ZBTB46: variants seen among roughly 807,000 people sequenced by gnomAD.
ZBTB46 encodes the protein zinc finger and BTB domain-containing protein 46.
In ZBTB46, 8 loss-of-function variants were observed where a neutral mutation model predicts 44.1. The observed-to-expected ratio is 0.18, with a 90% CI of 0.11 to 0.33. ZBTB46 has a LOEUF of 0.33. Ranked by LOEUF, ZBTB46 falls within the 10% of genes least tolerant of loss-of-function variation. The probability of loss-of-function intolerance (pLI) is 1.00; values close to 1 mark genes in which losing one functional copy is unlikely to be tolerated. For missense variants in ZBTB46, 651 were observed against 847.7 expected (o/e 0.77, Z 2.88); for synonymous variants, 409 against 382.3 (o/e 1.07, Z -0.81).
chr20:63,776,256 AC>A (rs1354372184), intron 2 of ZBTB46, among the ~76,000 whole-genome samples: 2 of 152,238 alleles, frequency 1.3e-5, no homozygotes, highest in Non-Finnish European at 2.9e-5. Context: ...GGCGCTGCAG[AC>A]CTGGTACCTG....
At chr20:63,831,475 C>A (rs1032852299), upstream of ZBTB46, among the ~76,000 whole-genome samples, 4 of 145,412 alleles carry the variant, frequency 2.8e-5, no homozygotes, top group Admixed American at 2.0e-4. Flanking sequence ...GCCGCGGGGT[C>A]GCAGGGGGCC....
chr20:63,758,223 C>T (rs529944339), intron 3 of ZBTB46, among the ~76,000 whole-genome samples: 1 of 148,844 alleles, frequency 6.7e-6, no homozygotes. Flanking sequence ...ACTCCCTCCT[C>T]CTGCTCCATA....
At chr20:63,786,498 T>G (rs1052336422) in intron 2 of ZBTB46, among the ~76,000 whole-genome samples, 4 of 151,910 alleles carry the variant, frequency 2.6e-5, no homozygotes, top group Non-Finnish European at 5.9e-5. Flanking sequence ...TTTGTTTGTT[T>G]TGAGGTTTTT....
At position 63,814,085 on chromosome 20, in the gene ZBTB46, T is replaced by A. The variant is rs573916528; in HGVS notation, c.-34+17012A>T. ...CTGTCTCTATTAAAAATACAAAAAT[T>A]AGCCGGGCATGGCAGTGGGCGCCTG... On this transcript the variant is annotated intron_variant, in intron 1 of 4. Coordinates refer to ENST00000245663, the MANE Select transcript of ZBTB46 (RefSeq NM_001369741.1). Among the ~76,000 whole-genome samples the A allele has an allele frequency of 4.2e-3, 614 of 146,808 alleles. 2 individuals carry two copies. Among genetic ancestry groups the A allele is most frequent in the African/African-American group, 0.015 (573 of 39,086 alleles).
At chr20:63,783,914 G>C (rs562699119) in intron 2 of ZBTB46, among the ~76,000 whole-genome samples, 1 of 152,164 alleles carries the variant, frequency 6.6e-6, no homozygotes, top group Admixed American at 6.5e-5. Context: ...TTCAGGAGGC[G>C]AAACATTGTT....
Position 63,746,985 on chromosome 20 carries a change from G to T in ZBTB46, c.1715C>A (p.Pro572Gln), listed in dbSNP as rs201848046. Reference sequence around the variant, plus strand: ...GCCTCCTGGGGGGCTGCGCGGCCGCGGCGAGTCTTCCTCATCCTTGTCGTC... The same window carrying T: ...GCCTCCTGGGGGGCTGCGCGGCCGCTGCGAGTCTTCCTCATCCTTGTCGTC... ...LADDKDEEDS[P>Q]RPRSPPGGPD... The change falls in exon 5 of 5, where the codon CCG becomes CAG. Residue 572 changes from proline (P) to glutamine (Q), a missense_variant. Pro to Gln is a moderately conservative substitution (Grantham distance 76). Transcript: ENST00000245663. The T allele has an allele frequency of 6.2e-7, 1 of 1,606,002 alleles. No individual in the cohort carries two copies. Among genetic ancestry groups the T allele is most frequent in the East Asian group, 2.2e-5 (1 of 44,774 alleles).
At chr20:63,765,987 T>A (rs2092317320) in intron 3 of ZBTB46, among the ~76,000 whole-genome samples, 1 of 151,884 alleles carries the variant, frequency 6.6e-6, no homozygotes, top group Non-Finnish European at 1.5e-5. Context: ...CCAAGACAAC[T>A]CTCTCCCCGC....
At chr20:63,809,793 C>G (rs1441539684) in intron 1 of ZBTB46, among the ~76,000 whole-genome samples, 1 of 151,938 alleles carries the variant, frequency 6.6e-6, no homozygotes, top group Non-Finnish European at 1.5e-5. Flanking sequence ...GAGACCCCAT[C>G]TCTACAAAAA....
At chr20:63,829,274 A>G (rs916754755) in intron 1 of ZBTB46, among the ~76,000 whole-genome samples, 5 of 152,242 alleles carry the variant, frequency 3.3e-5, no homozygotes, top group African/African-American at 1.2e-4. Context: ...AGGTCTGAGC[A>G]CAGAACGACT....
chr20:63,792,425 G>A (rs2092568748), intron 1 of ZBTB46, among the ~76,000 whole-genome samples: 1 of 152,220 alleles, frequency 6.6e-6, no homozygotes, highest in Non-Finnish European at 1.5e-5. Flanking sequence ...CATGGGGGAC[G>A]GGGTCGGGGG....
chr20:63,764,137 TA>T (rs1201736483), intron 3 of ZBTB46, among the ~76,000 whole-genome samples: 10 of 148,654 alleles, frequency 6.7e-5, no homozygotes, highest in South Asian at 2.1e-4. Flanking sequence ...CCCAGCTAAT[TA>T]AAAAAAAAAA....
intron 2 of ZBTB46, among the ~76,000 whole-genome samples, chr20:63,778,778 T>TTTCTAGGAAC (rs2092445424): frequency 1.3e-5 from 2 of 152,250 alleles, no homozygotes; most frequent in African/African-American, 4.8e-5. Context: ...ACACATCATA[T>TTTCTAGGAAC]TAATTGTGCA....
At chr20:63,809,152 G>A (rs2092703147) in intron 1 of ZBTB46, among the ~76,000 whole-genome samples, 1 of 152,122 alleles carries the variant, frequency 6.6e-6, no homozygotes, top group Non-Finnish European at 1.5e-5. Flanking sequence ...AGCGCCTGGG[G>A]CACTTCGCCA....
chr20:63,818,885 A>AAAAAG (rs2092775428), intron 1 of ZBTB46, among the ~76,000 whole-genome samples: 1 of 148,006 alleles, frequency 6.8e-6, no homozygotes, highest in Non-Finnish European at 1.5e-5. Flanking sequence ...AAAAAAAAAA[A>AAAAAG]AAAAGAAGGC....
At chr20:63,749,376 A>G (rs975997107) in intron 4 of ZBTB46, among the ~76,000 whole-genome samples, 4 of 152,126 alleles carry the variant, frequency 2.6e-5, no homozygotes, top group Non-Finnish European at 5.9e-5. Context: ...TCGCTCTGTC[A>G]CCCAGGCTGG....
intron 3 of ZBTB46, among the ~76,000 whole-genome samples, chr20:63,774,703 T>G (rs1372265731): frequency 5.5e-5 from 8 of 144,202 alleles, no homozygotes; most frequent in Non-Finnish European, 1.2e-4. Context: ...TTTTTGTTTT[T>G]TTTTTTGTTT....
chr20:63,786,008 G>A (rs751902868), intron 2 of ZBTB46, among the ~76,000 whole-genome samples: 24 of 152,174 alleles, frequency 1.6e-4, no homozygotes, highest in Admixed American at 9.2e-4. Flanking sequence ...TGCCTGCATC[G>A]ACTCTCATAA....
intron 3 of ZBTB46, among the ~76,000 whole-genome samples, chr20:63,758,653 C>T (rs558612955): frequency 1.3e-5 from 2 of 152,206 alleles, no homozygotes; most frequent in East Asian, 1.9e-4. Flanking sequence ...CACGCACGCG[C>T]ACGGGCACTC....
At chr20:63,809,437 G>A (rs531575419) in intron 1 of ZBTB46, among the ~76,000 whole-genome samples, 2 of 152,198 alleles carry the variant, frequency 1.3e-5, no homozygotes, top group Admixed American at 6.5e-5. Flanking sequence ...GCTCACAGGA[G>A]CCCTGAGCCC....
Sources: gnomAD v4.1 joint callset for allele counts (sites outside exome capture counted in the v4.1 genomes callset) on GRCh38, gnomAD v4.1.1 for gene constraint, MANE v1.5 for transcripts, NCBI Gene and HGNC (gene_info 2026-07-23, HGNC 2026-07-21) for gene names.